The following DNAH11 variants were observed in gnomAD, a reference collection of about 807,000 sequenced individuals.
DNAH11 encodes the protein dynein axonemal heavy chain 11.
Under a neutral mutation model 526.0 loss-of-function variants are expected in DNAH11, and 442 were observed. The observed-to-expected ratio is 0.84, with a 90% CI of 0.78 to 0.91. The LOEUF is 0.91. Among genes scored for constraint, DNAH11 ranks in the 40% least tolerant of loss-of-function variants. The pLI is 0.00. For synonymous variants in DNAH11, 2,461 were observed against 1,935.9 expected, an observed-to-expected ratio of 1.27 and a Z score of -7.12; for missense variants, 6,989 against 5,448.7, an observed-to-expected ratio of 1.28 and a Z score of -8.90.
rs1373204477 is a variant in DNAH11 at position 21,707,802 on chromosome 7, T to C, written c.6650T>C (p.Ile2217Thr). The stretch of plus-strand genomic sequence containing the variant: ...ACAACAGATGAACTCTTTGGTTTCA[T>C]ACATCATGCTACCCGAGAATGGAAA... Reference protein sequence around the residue: ...AVTTDELFGFIHHATREWKDG... With the variant: ...AVTTDELFGFTHHATREWKDG... The change falls in exon 40 of 82, where the codon ATA (isoleucine) becomes ACA (threonine). Residue 2217 changes from isoleucine to threonine, a missense_variant. Physicochemically the swap from Ile to Thr is moderately conservative, Grantham distance 89. Coordinates refer to ENST00000409508, the MANE Select transcript of DNAH11 (RefSeq NM_001277115.2). The C allele has an allele frequency of 1.2e-6, 2 of 1,607,486 alleles. No individual in the cohort carries two copies. The highest frequency in any genetic ancestry group is 1.7e-5 in the Admixed American group (1 of 58,654).
intron 27 of DNAH11, 92 bp from the exon 28 acceptor site, chr7:21,638,847 T>C (rs1786989058): frequency 1.1e-5 from 16 of 1,431,614 alleles, no homozygotes; most frequent in Admixed American, 2.2e-5. Context: ...TTTACTATAA[T>C]GAATGGACAT....
chr7:21,830,383 G>A (rs1166257790), intron 65 of DNAH11, among the ~76,000 whole-genome samples: 4 of 152,162 alleles, frequency 2.6e-5, no homozygotes, highest in Non-Finnish European at 5.9e-5. Flanking sequence ...CATAAACAAG[G>A]ACAGAGTTTC....
chr7:21,631,695 A>G lies in DNAH11; in HGVS notation c.4501-4176A>G, dbSNP rs181617492. On this transcript the variant is annotated intron_variant, in intron 25 of 81. Transcript: ENST00000409508. ...GCTGATGCAAGAGGTGGGTTCCCAC[A>G]GTCTTGGGCAGCTCCGCCTCTGTGG... Among the ~76,000 whole-genome samples the G allele has an allele frequency of 3.3e-5, 5 of 152,322 alleles. No individual in the cohort carries two copies. In the East Asian group the frequency reaches 7.7e-4, roughly 24 times the overall value.
At chr7:21,665,081 ATCTCTC>A (rs149209790) in intron 30 of DNAH11, among the ~76,000 whole-genome samples, 32 of 145,752 alleles carry the variant, frequency 2.2e-4, no homozygotes, top group African/African-American at 7.8e-4. Context: ...CTCTTTCTTT[ATCTCTC>A]TCTCTCTCTC....
chr7:21,842,339 A>G (rs1209644355), intron 65 of DNAH11, among the ~76,000 whole-genome samples: 1 of 152,194 alleles, frequency 6.6e-6, no homozygotes, highest in East Asian at 1.9e-4. Flanking sequence ...AATATTTCAC[A>G]TATGAGGAAA....
chr7:21,575,449 G>A lies in DNAH11; in HGVS notation c.1593+3476G>A, dbSNP rs533320100. ...TAGGTTGTATTCTAATTCCTAGAAC[G>A]AGTCTATTGTTCTGCTGTCACTCAC... On this transcript the variant is annotated intron_variant, in intron 8 of 81. Coordinates refer to ENST00000409508, the MANE Select transcript of DNAH11 (RefSeq NM_001277115.2). 5.3e-5 allele frequency among the ~76,000 whole-genome samples: 8 copies of A among 152,272 alleles called. No individual in the cohort carries two copies. In the East Asian group the frequency reaches 1.2e-3, roughly 22 times the overall value.
chr7:21,613,216 T>C (rs1353637955), intron 20 of DNAH11, among the ~76,000 whole-genome samples: 2 of 152,212 alleles, frequency 1.3e-5, no homozygotes, highest in Non-Finnish European at 2.9e-5. Context: ...AATTGAAATG[T>C]GATATATGTA....
chr7:21,872,814 T>G (rs1783553571), intron 73 of DNAH11, among the ~76,000 whole-genome samples: 1 of 152,212 alleles, frequency 6.6e-6, no homozygotes, highest in Non-Finnish European at 1.5e-5. Context: ...TGCTTATGAG[T>G]AGGAGTTTGA....
intron 24 of DNAH11, 82 bp from the exon 25 acceptor site, chr7:21,619,874 A>G: frequency 7.2e-7 from 1 of 1,395,972 alleles, no homozygotes; most frequent in East Asian, 2.5e-5. Flanking sequence ...TTGAAAGTTG[A>G]AAAAAATTAA....
chr7:21,770,273 T>G (rs1316354624), intron 55 of DNAH11, among the ~76,000 whole-genome samples: 2 of 152,204 alleles, frequency 1.3e-5, no homozygotes, highest in Admixed American at 6.5e-5. Context: ...GACCCAAATC[T>G]AAACACAAAA....
chr7:21,546,835 G>T (rs1287723322), intron 2 of DNAH11, among the ~76,000 whole-genome samples: 2 of 152,128 alleles, frequency 1.3e-5, no homozygotes, highest in African/African-American at 2.4e-5. Context: ...AAAAAATCTA[G>T]AGGGGCCTGG....
intron 45 of DNAH11, among the ~76,000 whole-genome samples, chr7:21,732,828 A>G (rs1402264754): frequency 6.6e-6 from 1 of 152,210 alleles, no homozygotes; most frequent in African/African-American, 2.4e-5. Flanking sequence ...ACTTCAAAGG[A>G]GGCAGGGACT....
intron 57 of DNAH11, among the ~76,000 whole-genome samples, chr7:21,783,253 T>C (rs1320495673): frequency 1.3e-5 from 2 of 152,160 alleles, no homozygotes; most frequent in Non-Finnish European, 2.9e-5. Context: ...TAACAATAGC[T>C]GTGTGTGTAT....
At position 21,880,871 on chromosome 7, in the gene DNAH11, A is replaced by G. The variant is rs375974800; in HGVS notation, c.12365A>G (p.Asn4122Ser). 3.6e-5 allele frequency: 58 copies of G among 1,608,782 alleles called. No individual in the cohort carries two copies. Among genetic ancestry groups the G allele is most frequent in the Non-Finnish European group, 4.3e-5 (51 of 1,178,624 alleles). The change falls in exon 75 of 82, where the codon AAC (asparagine) becomes AGC (serine). Residue 4122 changes from asparagine (N) to serine (S), a missense_variant. By Grantham distance (46) the Asn-to-Ser change is conservative. Coordinates refer to ENST00000409508, the MANE Select transcript of DNAH11 (RefSeq NM_001277115.2). ...ACCATTTGTGCCAGTGTCCTCTACA[A>G]CTACTTAGAGGCAAACTCTAAAGTA... ...DLTICASVLY[N>S]YLEANSKVPW...
chr7:21,732,884 C>G (rs925197642), intron 45 of DNAH11, among the ~76,000 whole-genome samples: 2 of 152,222 alleles, frequency 1.3e-5, no homozygotes, highest in African/African-American at 4.8e-5. Flanking sequence ...TCTCAGAAGC[C>G]TGGAGCTGAC....
chr7:21,670,337 G>A (rs768862092), intron 30 of DNAH11, among the ~76,000 whole-genome samples: 4 of 151,606 alleles, frequency 2.6e-5, no homozygotes, highest in South Asian at 2.1e-4. Context: ...CAGTGTTTTT[G>A]GCTGGTACAT....
At chr7:21,762,409 T>C (rs1278482300) in intron 54 of DNAH11, among the ~76,000 whole-genome samples, 1 of 152,220 alleles carries the variant, frequency 6.6e-6, no homozygotes, top group Non-Finnish European at 1.5e-5. Context: ...ATGCTTTTTT[T>C]CCTCTGCCTT....
chr7:21,843,426 A>G (rs144700177), intron 66 of DNAH11, among the ~76,000 whole-genome samples: 2 of 152,154 alleles, frequency 1.3e-5, no homozygotes, highest in East Asian at 3.9e-4. Flanking sequence ...AGACAAAGGC[A>G]TATAACTACA....
chr7:21,870,500 G>A (rs536148213), intron 73 of DNAH11, among the ~76,000 whole-genome samples: 4,234 of 152,194 alleles, frequency 0.028, 82 homozygotes, highest in Non-Finnish European at 0.042. Flanking sequence ...CGCTTTTTCA[G>A]AGAAAACAGT....
Sources: allele counts gnomAD v4.1 joint callset (sites outside exome capture counted in the v4.1 genomes callset), GRCh38; gene constraint gnomAD v4.1.1; transcripts MANE v1.5; gene names NCBI Gene and HGNC (gene_info 2026-07-23, HGNC 2026-07-21).